Variants in FOCAD observed in about 807,000 individuals in gnomAD.
The protein encoded by FOCAD is KIAA1797.
FOCAD carries 198 observed loss-of-function variants against 225.6 expected under a neutral mutation model. The observed-to-expected ratio is 0.88, with a 90% CI of 0.78 to 0.99. The LOEUF (loss-of-function observed/expected upper bound fraction) is 0.99, where lower values mean the gene tolerates loss of function less well. Among genes scored for constraint, FOCAD ranks in the 50% least tolerant of loss-of-function variants. The pLI is 0.00. For missense variants in FOCAD, 2,713 were observed against 2,123.6 expected (o/e 1.28, Z -5.46); for synonymous variants, 897 against 755.0 (o/e 1.19, Z -3.08).
intron 37 of FOCAD, among the ~76,000 whole-genome samples, chr9:20,980,062 C>T (rs1840556487): frequency 6.6e-6 from 1 of 152,070 alleles, no homozygotes; most frequent in Non-Finnish European, 1.5e-5. Flanking sequence ...CCCAAGCCAC[C>T]ACCAATCTGC....
Position 20,981,671 on chromosome 9 carries a change from GC to G in FOCAD, c.4625del (p.Pro1542GlnfsTer9). ...EATGKIFDLL[P>X]NKIRRKDLEL... ...CTACTGGGAAAATTTTTGACCTCCTGCCAAATAAGATTCGGGTGAGGAACAA... is the reference window on the plus strand; with the variant it reads ...CTACTGGGAAAATTTTTGACCTCCTGCAAATAAGATTCGGGTGAGGAACAA... On this transcript the variant is annotated frameshift_variant, in exon 38 of 44. Transcript: ENST00000338382. LOFTEE classifies it high-confidence loss of function. The G allele has an allele frequency of 6.2e-7, 1 of 1,608,566 alleles. No homozygotes were observed. The highest frequency in any genetic ancestry group is 8.5e-7 in the Non-Finnish European group (1 of 1,177,956).
At chr9:20,744,687 A>G (rs932520201) in intron 5 of FOCAD, among the ~76,000 whole-genome samples, 6 of 152,148 alleles carry the variant, frequency 3.9e-5, no homozygotes, top group Non-Finnish European at 8.8e-5. Context: ...AAAGCTTCCC[A>G]CGTGATTTCC....
chr9:20,658,277 A>C (rs573594185), upstream of FOCAD: 62 of 157,958 alleles, frequency 3.9e-4, no homozygotes, highest in East Asian at 4.8e-3. Flanking sequence ...AGAGGCAGGC[A>C]GGCCTCCTTG....
At chr9:20,778,520 G>A (rs576033939) in intron 8 of FOCAD, among the ~76,000 whole-genome samples, 161 bp from the exon 9 acceptor site, 3 of 152,196 alleles carry the variant, frequency 2.0e-5, no homozygotes, top group Non-Finnish European at 2.9e-5. Flanking sequence ...ACGCCCGGCC[G>A]ACCAATTCTT....
At chr9:20,680,527 C>T (rs1822370665), upstream of FOCAD, among the ~76,000 whole-genome samples, 1 of 152,110 alleles carries the variant, frequency 6.6e-6, no homozygotes, top group Non-Finnish European at 1.5e-5. Context: ...TGCACTCCAG[C>T]CTGGCAACAG....
At chr9:20,910,033 C>T (rs1833309878) in intron 22 of FOCAD, among the ~76,000 whole-genome samples, 1 of 152,088 alleles carries the variant, frequency 6.6e-6, no homozygotes, top group Non-Finnish European at 1.5e-5. Context: ...GGATGTAAGT[C>T]TGAGATCTGA....
chr9:20,936,050 T>A (rs1299987593), intron 28 of FOCAD, among the ~76,000 whole-genome samples: 1 of 152,224 alleles, frequency 6.6e-6, no homozygotes, highest in Non-Finnish European at 1.5e-5. Flanking sequence ...TAGGTGAATA[T>A]ATGGTATGGT....
chr9:20,978,312 C>T (rs373487742), intron 36 of FOCAD, 27 bp from the exon 37 acceptor site: 487 of 1,469,552 alleles, frequency 3.3e-4, no homozygotes, highest in Non-Finnish European at 4.3e-4. Context: ...ACTATATATT[C>T]AATTCTTTTC....
At chr9:20,697,976 G>A (rs1455912112) in intron 1 of FOCAD, among the ~76,000 whole-genome samples, 4 of 152,158 alleles carry the variant, frequency 2.6e-5, no homozygotes, top group African/African-American at 4.8e-5. Context: ...TGTGACTTTC[G>A]CATTAAATAG....
chr9:20,726,669 G>A (rs1826224841), intron 4 of FOCAD, among the ~76,000 whole-genome samples: 1 of 152,182 alleles, frequency 6.6e-6, no homozygotes, highest in Non-Finnish European at 1.5e-5. Flanking sequence ...ATCATGGGCT[G>A]ATGAAGGTTC....
intron 11 of FOCAD, among the ~76,000 whole-genome samples, chr9:20,819,234 G>C (rs907271345): frequency 6.6e-5 from 10 of 151,954 alleles, no homozygotes; most frequent in African/African-American, 1.9e-4. Context: ...ATTTTTTTGA[G>C]ACAGGGTCTT....
intron 15 of FOCAD, 91 bp downstream of exon 15, chr9:20,823,206 C>T: frequency 3.7e-6 from 5 of 1,362,404 alleles, no homozygotes; most frequent in Non-Finnish European, 4.9e-6. Flanking sequence ...ATTCAAATAA[C>T]TGAAGTCTGA....
At chr9:20,699,971 A>G (rs1338999229) in intron 1 of FOCAD, among the ~76,000 whole-genome samples, 3 of 150,942 alleles carry the variant, frequency 2.0e-5, no homozygotes, top group East Asian at 3.9e-4. Flanking sequence ...TCCTCTTCTG[A>G]TTCTTGAATA....
intron 6 of FOCAD, among the ~76,000 whole-genome samples, chr9:20,760,244 C>T (rs1829458959): frequency 6.6e-6 from 1 of 152,226 alleles, no homozygotes; most frequent in South Asian, 2.1e-4. Flanking sequence ...AAGCATGGAG[C>T]ATGTTCCCAC....
chr9:20,987,929 G>A (rs917511006), intron 40 of FOCAD, among the ~76,000 whole-genome samples: 4 of 152,294 alleles, frequency 2.6e-5, no homozygotes, highest in Middle Eastern at 6.8e-3. Context: ...TTTCCTCTGT[G>A]ATTTGGCATA....
intron 28 of FOCAD, among the ~76,000 whole-genome samples, chr9:20,939,803 G>A (rs769747020): frequency 6.1e-5 from 9 of 147,424 alleles, no homozygotes; most frequent in East Asian, 2.0e-4. Context: ...TGCACAACGC[G>A]CAGGTTTGTT....
At chr9:20,671,476 C>A (rs1165314280) in intron 2 of FOCAD, among the ~76,000 whole-genome samples, 1 of 152,108 alleles carries the variant, frequency 6.6e-6, no homozygotes, top group Non-Finnish European at 1.5e-5. Context: ...AGGATTTGAG[C>A]AGCCAGATTC....
intron 5 of FOCAD, among the ~76,000 whole-genome samples, chr9:20,743,633 T>A (rs117676755): frequency 1.3e-5 from 2 of 152,178 alleles, no homozygotes; most frequent in African/African-American, 4.8e-5. Context: ...AAACTTGTCT[T>A]GCATAAGAAC....
At chr9:20,933,479 T>C (rs1372740914) in intron 28 of FOCAD, among the ~76,000 whole-genome samples, 1 of 152,202 alleles carries the variant, frequency 6.6e-6, no homozygotes, top group Non-Finnish European at 1.5e-5. Context: ...TTACTTCACT[T>C]AGAATAATAG....
Sources: gnomAD v4.1 joint callset for allele counts (sites outside exome capture counted in the v4.1 genomes callset) on GRCh38, gnomAD v4.1.1 for gene constraint, MANE v1.5 for transcripts, NCBI Gene and HGNC (gene_info 2026-07-23, HGNC 2026-07-21) for gene names.